Variants in MACROD2 observed in about 807,000 individuals in gnomAD.
The protein encoded by MACROD2 is mono-ADP ribosylhydrolase 2, also known as ADP-ribose glycohydrolase MACROD2.
A neutral mutation model predicts 70.4 loss-of-function variants in MACROD2; 36 were observed. The ratio of observed to expected loss-of-function variants is 0.51; its 90% confidence interval spans 0.39 to 0.68. The LOEUF is 0.68. Ranked by LOEUF, MACROD2 falls within the 30% of genes least tolerant of loss-of-function variation. MACROD2 has a pLI of 0.00. For missense variants in MACROD2, 496 were observed against 538.4 expected, an observed-to-expected ratio of 0.92 and a Z score of 0.78; for synonymous variants, 172 against 178.8, an observed-to-expected ratio of 0.96 and a Z score of 0.30.
At chr20:15,055,409 T>C (rs1432390054) in intron 5 of MACROD2, among the ~76,000 whole-genome samples, 1 of 152,142 alleles carries the variant, frequency 6.6e-6, no homozygotes, top group Non-Finnish European at 1.5e-5. Context: ...CTCTGGGTCT[T>C]GGTTTTCTCA....
chr20:14,603,313 G>T (rs750661695), intron 4 of MACROD2, among the ~76,000 whole-genome samples: 1 of 152,184 alleles, frequency 6.6e-6, no homozygotes, highest in Non-Finnish European at 1.5e-5. Context: ...CATCACAGAA[G>T]TTGGAGGAAA....
chr20:14,030,172 A>T (rs1259478610), intron 2 of MACROD2, among the ~76,000 whole-genome samples: 1 of 152,132 alleles, frequency 6.6e-6, no homozygotes, highest in Non-Finnish European at 1.5e-5. Context: ...TGGAGTAGCT[A>T]GGACTACGGA....
At chr20:14,827,121 G>A (rs113863407) in intron 5 of MACROD2, among the ~76,000 whole-genome samples, 3 of 152,154 alleles carry the variant, frequency 2.0e-5, no homozygotes, top group East Asian at 1.9e-4. Flanking sequence ...GCATCATCGC[G>A]TCCTTGGATG....
intron 6 of MACROD2, among the ~76,000 whole-genome samples, chr20:15,400,813 C>T (rs2045918469): frequency 6.6e-6 from 1 of 152,158 alleles, no homozygotes. Flanking sequence ...TATTAAAACT[C>T]TCCTGGTCGG....
intron 8 of MACROD2, among the ~76,000 whole-genome samples, chr20:15,616,113 T>TC (rs1350024644): frequency 4.8e-5 from 7 of 147,014 alleles, no homozygotes; most frequent in African/African-American, 1.8e-4. Flanking sequence ...TTTTTTTTTT[T>TC]TTTTTTTGAG....
At chr20:15,566,216 G>A (rs867687339) in intron 8 of MACROD2, among the ~76,000 whole-genome samples, 4 of 152,164 alleles carry the variant, frequency 2.6e-5, no homozygotes, top group Admixed American at 2.6e-4. Flanking sequence ...GGGCACGGTG[G>A]CTCATGCCTG....
At chr20:15,008,446 T>G (rs2075056496) in intron 5 of MACROD2, among the ~76,000 whole-genome samples, 1 of 152,154 alleles carries the variant, frequency 6.6e-6, no homozygotes, top group Non-Finnish European at 1.5e-5. Context: ...GCAGGTATGT[T>G]TTGAGCACAG....
At chr20:15,827,283 T>C (rs1011958657) in intron 8 of MACROD2, among the ~76,000 whole-genome samples, 2 of 152,182 alleles carry the variant, frequency 1.3e-5, no homozygotes, top group Non-Finnish European at 2.9e-5. Context: ...GAGGAGACTT[T>C]GGATCATTTC....
chr20:14,999,045 C>T (rs1011285081), intron 5 of MACROD2, among the ~76,000 whole-genome samples: 3 of 152,222 alleles, frequency 2.0e-5, no homozygotes, highest in South Asian at 2.1e-4. Context: ...GTGAAAATAT[C>T]CTTCAAACAT....
chr20:14,402,217 C>CT (rs1568596365), intron 3 of MACROD2, among the ~76,000 whole-genome samples: 1 of 151,998 alleles, frequency 6.6e-6, no homozygotes. Flanking sequence ...GGAGCAGTGG[C>CT]TTTTTTGTGT....
chr20:15,119,799 G>T (rs753895114), intron 5 of MACROD2, among the ~76,000 whole-genome samples: 1 of 152,206 alleles, frequency 6.6e-6, no homozygotes, highest in Non-Finnish European at 1.5e-5. Context: ...TTTATACAAA[G>T]CATATGCTAA....
At chr20:14,969,251 T>C (rs1284018817) in intron 5 of MACROD2, among the ~76,000 whole-genome samples, 1 of 151,862 alleles carries the variant, frequency 6.6e-6, no homozygotes, top group East Asian at 1.9e-4. Context: ...TCCAGGTATT[T>C]GGGGTTATCA....
chr20:14,780,328 C>T (rs975399826), intron 5 of MACROD2, among the ~76,000 whole-genome samples: 1 of 151,940 alleles, frequency 6.6e-6, no homozygotes, highest in Non-Finnish European at 1.5e-5. Context: ...TTTGAGAGGC[C>T]GAGGCAGGCG....
chr20:15,859,036 C>T (rs2064390040), intron 8 of MACROD2, among the ~76,000 whole-genome samples: 1 of 152,082 alleles, frequency 6.6e-6, no homozygotes, highest in African/African-American at 2.4e-5. Context: ...GATTGATTAA[C>T]ACATATTTTG....
chr20:14,290,512 T>A (rs958829876), intron 3 of MACROD2, among the ~76,000 whole-genome samples: 1 of 151,052 alleles, frequency 6.6e-6, no homozygotes, highest in African/African-American at 2.4e-5. Flanking sequence ...GCTGTATTTT[T>A]TTTTTTTTTT....
chr20:14,235,550 G>A (rs932370678), intron 3 of MACROD2, among the ~76,000 whole-genome samples: 7 of 152,022 alleles, frequency 4.6e-5, no homozygotes, highest in Non-Finnish European at 1.0e-4. Flanking sequence ...AAAATGCCTT[G>A]AAAAATACTA....
chr20:14,804,289 CTGTT>C (rs1401743178), intron 5 of MACROD2, among the ~76,000 whole-genome samples: 3 of 151,506 alleles, frequency 2.0e-5, no homozygotes, highest in African/African-American at 7.3e-5. Flanking sequence ...TGTAATGAAA[CTGTT>C]TGCTTTTAAG....
chr20:14,131,982 T>G (rs550560312), intron 3 of MACROD2, among the ~76,000 whole-genome samples: 67 of 151,932 alleles, frequency 4.4e-4, no homozygotes, highest in African/African-American at 1.4e-3. Flanking sequence ...ATACAAAAAA[T>G]TAGCTGGGCG....
intron 6 of MACROD2, among the ~76,000 whole-genome samples, chr20:15,317,539 C>A (rs1260129056): frequency 1.4e-5 from 2 of 141,994 alleles, no homozygotes; most frequent in Non-Finnish European, 3.0e-5. Flanking sequence ...CTATCTATCT[C>A]TATCAAGATA....
Sources: gnomAD v4.1 joint callset for allele counts (sites outside exome capture counted in the v4.1 genomes callset) on GRCh38, gnomAD v4.1.1 for gene constraint, MANE v1.5 for transcripts, NCBI Gene and HGNC (gene_info 2026-07-23, HGNC 2026-07-21) for gene names.